Variants in RB1CC1 observed in about 807,000 individuals in gnomAD.
RB1CC1 encodes RB1-inducible coiled-coil protein 1.
RB1CC1 carries 46 observed loss-of-function variants against 177.5 expected under a neutral mutation model. That is an observed-to-expected ratio of 0.26 (90% CI 0.20 to 0.33). The LOEUF is 0.33. Ranked by LOEUF, RB1CC1 falls within the 10% of genes least tolerant of loss-of-function variation. The pLI is 1.00. For synonymous variants in RB1CC1, 666 were observed against 613.6 expected, an observed-to-expected ratio of 1.09 and a Z score of -1.26; for missense variants, 1,703 against 1,816.3, an observed-to-expected ratio of 0.94 and a Z score of 1.13.
chr8:52,665,971 C>A (rs570623353), intron 8 of RB1CC1, among the ~76,000 whole-genome samples: 1 of 152,206 alleles, frequency 6.6e-6, no homozygotes, highest in South Asian at 2.1e-4. Context: ...AAACCTATAT[C>A]CTATGATTAG....
intron 8 of RB1CC1, among the ~76,000 whole-genome samples, chr8:52,666,243 C>T (rs72633837): frequency 0.22 from 33,954 of 151,686 alleles, 4,263 homozygotes; most frequent in Non-Finnish European, 0.27. Flanking sequence ...ACCAAATATA[C>T]GGCTGGGCGC....
In RB1CC1 at chr8:52,623,805, C is replaced by T. The variant is rs140892854; in HGVS notation, c.4762G>A (p.Val1588Ile). ...LGTKFYRVKA[V>I]SWNKKV is the part of the protein sequence containing the mutation. ...AGTTATACTTTCTTATTCCATGATA[C>T]GGCTTTCACTCTGTAAAACTTTGTC... The change falls in exon 24 of 24, where the codon GTA becomes ATA. Residue 1588 changes from valine (V) to isoleucine (I), a missense_variant. Around this residue, in one of 6 missense-constraint regions of RB1CC1, gnomAD observed 70 missense variants for 118.0 expected, o/e 0.59. Coordinates refer to ENST00000025008, the MANE Select transcript of RB1CC1 (RefSeq NM_014781.5). The T allele has an allele frequency of 4.4e-5, 70 of 1,606,988 alleles. No individual in the cohort carries two copies. The highest frequency in any genetic ancestry group is 2.7e-4 in the African/African-American group (20 of 74,754).
intron 1 of RB1CC1, among the ~76,000 whole-genome samples, chr8:52,704,549 TAA>T (rs1856392140): frequency 6.6e-6 from 1 of 151,430 alleles, no homozygotes; most frequent in African/African-American, 2.4e-5. Flanking sequence ...TACTAAAACT[TAA>T]GAGGATAAAC....
chr8:52,694,662 C>A (rs557169725), intron 1 of RB1CC1, among the ~76,000 whole-genome samples: 183 of 152,276 alleles, frequency 1.2e-3, no homozygotes, highest in Middle Eastern at 6.8e-3. Context: ...TAATACCAGG[C>A]ATCTACTAGT....
intron 1 of RB1CC1, among the ~76,000 whole-genome samples, chr8:52,695,651 G>A (rs1297988783): frequency 2.0e-5 from 3 of 152,186 alleles, no homozygotes; most frequent in Non-Finnish European, 4.4e-5. Context: ...AGCTTCCCTA[G>A]TGAGCAATAC....
intron 15 of RB1CC1, among the ~76,000 whole-genome samples, chr8:52,653,200 G>C (rs375299059): frequency 6.6e-6 from 1 of 152,150 alleles, no homozygotes; most frequent in African/African-American, 2.4e-5. Flanking sequence ...CTTTACCAAG[G>C]CTTTGCAAAA....
At chr8:52,682,209 T>C (rs768607005) in intron 5 of RB1CC1, among the ~76,000 whole-genome samples, 4 of 152,178 alleles carry the variant, frequency 2.6e-5, no homozygotes, top group Non-Finnish European at 5.9e-5. Context: ...GGAGATGATT[T>C]TGGAGCTTCA....
At chr8:52,699,818 AAAAAAAAAAAAAATATATAT>A (rs1160629518) in intron 1 of RB1CC1, among the ~76,000 whole-genome samples, 22 of 94,368 alleles carry the variant, frequency 2.3e-4, no homozygotes, top group Non-Finnish European at 4.0e-4. Flanking sequence ...AAAAAAAAAA[AAAAAAAAAAAAAATATATAT>A]ATATATATAT....
At chr8:52,654,355 T>G (rs1309316576) in intron 15 of RB1CC1, among the ~76,000 whole-genome samples, 1 of 152,170 alleles carries the variant, frequency 6.6e-6, no homozygotes, top group Non-Finnish European at 1.5e-5. Context: ...AGTTTGCCAA[T>G]GAAAAGAAGA....
chr8:52,670,719 G>A lies in RB1CC1; in HGVS notation c.1003-2528C>T, dbSNP rs370329915. Among the ~76,000 whole-genome samples the A allele has an allele frequency of 3.9e-5, 6 of 152,194 alleles. No individual in the cohort carries two copies. The East Asian group carries it at 5.8e-4, about 15-fold the overall frequency. ...AGTCATCTTAAGGCCGGGTGCAGTG[G>A]CTCACACCTGTAATCCCAGCACTTT... is the stretch of plus-strand genomic sequence containing the variant. On this transcript the variant is annotated intron_variant, in intron 7 of 23. Coordinates refer to ENST00000025008, the MANE Select transcript of RB1CC1 (RefSeq NM_014781.5).
rs758735928 is a variant in RB1CC1 at position 52,656,653 on chromosome 8, T to C, written c.3176A>G (p.Lys1059Arg). The change falls in exon 15 of 24, where the codon AAG becomes AGG. Residue 1059 changes from lysine to arginine, a missense_variant. By Grantham distance (26) the Lys-to-Arg change is conservative. Coordinates refer to ENST00000025008, the MANE Select transcript of RB1CC1 (RefSeq NM_014781.5). ...KVSDLSDTRC[K>R]LEVELALKEA... Reference sequence around the variant, plus strand: ...CTTCAACGCAAGTTCAACCTCTAACTTGCATCTCGTGTCTGACAAATCAGA... The same window carrying C: ...CTTCAACGCAAGTTCAACCTCTAACCTGCATCTCGTGTCTGACAAATCAGA... The C allele has an allele frequency of 1.9e-6, 3 of 1,613,940 alleles. No individual in the cohort carries two copies. The highest frequency in any genetic ancestry group is 1.7e-6 in the Non-Finnish European group (2 of 1,179,924).
chr8:52,676,344 T>C, intron 6 of RB1CC1, 25 bp downstream of exon 6: 1 of 1,567,082 alleles, frequency 6.4e-7, no homozygotes, highest in East Asian at 2.2e-5. Context: ...TAAACAAATA[T>C]TATCCATTTT....
chr8:52,705,148 C>A (rs1053899410), intron 1 of RB1CC1, among the ~76,000 whole-genome samples: 2 of 152,106 alleles, frequency 1.3e-5, no homozygotes, highest in African/African-American at 4.8e-5. Flanking sequence ...ATAACTCACA[C>A]GGTAGTTAAC....
intron 8 of RB1CC1, among the ~76,000 whole-genome samples, chr8:52,662,984 C>T (rs113342518): frequency 9.2e-5 from 14 of 152,124 alleles, no homozygotes; most frequent in African/African-American, 3.1e-4. Flanking sequence ...GATTTCCTGA[C>T]ACCAAAAGCA....
chr8:52,642,628 T>C, intron 17 of RB1CC1, 37 bp from the exon 18 acceptor site: 4 of 1,599,500 alleles, frequency 2.5e-6, no homozygotes, highest in South Asian at 1.1e-5. Context: ...TATCATGTAA[T>C]TAAAAAAACC....
intron 22 of RB1CC1, among the ~76,000 whole-genome samples, chr8:52,627,331 A>C (rs958198164): frequency 6.6e-6 from 1 of 152,230 alleles, no homozygotes; most frequent in African/African-American, 2.4e-5. Context: ...TAGGCGACAG[A>C]GCAAGACTCC....
intron 15 of RB1CC1, among the ~76,000 whole-genome samples, chr8:52,648,189 T>A (rs1850228887): frequency 6.6e-6 from 1 of 151,724 alleles, no homozygotes; most frequent in South Asian, 2.1e-4. Flanking sequence ...GCATAGGGTA[T>A]CTCATTTACT....
At chr8:52,714,053 C>G (rs1383561019) in intron 1 of RB1CC1, 22 bp downstream of exon 1, 1 of 346,044 alleles carries the variant, frequency 2.9e-6, no homozygotes, top group South Asian at 2.0e-5. Context: ...GGGAAGGGGA[C>G]GCGGGCGGCG....
chr8:52,686,974 A>T lies in RB1CC1; in HGVS notation c.-166-7T>A, dbSNP rs770641723. The T allele has an allele frequency of 5.3e-5, 24 of 456,094 alleles. No individual in the cohort carries two copies. Among genetic ancestry groups the T allele is most frequent in the South Asian group, 3.7e-4 (24 of 64,424 alleles). The allele number at this position is 456,094 out of a possible 1,614,324, so 28.3% of individuals were successfully genotyped here. On this transcript the variant is annotated splice_region_variant and splice_polypyrimidine_tract_variant and intron_variant, in intron 1 of 23. Coordinates refer to ENST00000025008, the MANE Select transcript of RB1CC1 (RefSeq NM_014781.5). ...ACTGGTTAAACTCAGAAAACTGGAAAAGAAAAATTTCTGGTTATAAAGAGA... is the reference window on the plus strand; with the variant it reads ...ACTGGTTAAACTCAGAAAACTGGAATAGAAAAATTTCTGGTTATAAAGAGA...
Sources: allele counts gnomAD v4.1 joint callset (sites outside exome capture counted in the v4.1 genomes callset), GRCh38; gene constraint gnomAD v4.1.1; regional missense constraint gnomAD v4.1.1; transcripts MANE v1.5; gene names NCBI Gene and HGNC (gene_info 2026-07-23, HGNC 2026-07-21).